Variants in DESI2 observed in about 807,000 individuals in gnomAD.
DESI2 encodes desumoylating isopeptidase 2, also known as deubiquitinase DESI2.
In DESI2, 10 loss-of-function variants were observed where a neutral mutation model predicts 24.1. The ratio of observed to expected loss-of-function variants is 0.41; its 90% CI spans 0.26 to 0.70. The LOEUF is 0.70. Among genes scored for constraint, DESI2 ranks in the 30% least tolerant of loss-of-function variants. The pLI, the probability that DESI2 is intolerant of heterozygous loss-of-function variation, is 0.29. For synonymous variants in DESI2, 71 were observed against 87.7 expected (o/e 0.81, Z 1.06); for missense variants, 122 against 234.9 (o/e 0.52, Z 3.14).
At chr1:244,698,424 G>T (rs563149428) in intron 4 of DESI2, among the ~76,000 whole-genome samples, 1 of 152,336 alleles carries the variant, frequency 6.6e-6, no homozygotes, top group African/African-American at 2.4e-5. Flanking sequence ...CCTAGAGGCT[G>T]GTGATTTTCT....
At chr1:244,665,797 T>G (rs1011297618) in intron 1 of DESI2, among the ~76,000 whole-genome samples, 1 of 152,226 alleles carries the variant, frequency 6.6e-6, no homozygotes, top group Non-Finnish European at 1.5e-5. Context: ...GCAGACCTAC[T>G]CTGAAGATTT....
chr1:244,673,639 T>C (rs537072986), intron 1 of DESI2, among the ~76,000 whole-genome samples: 30 of 152,192 alleles, frequency 2.0e-4, no homozygotes, highest in Non-Finnish European at 4.1e-4. Flanking sequence ...CTAGAAAATG[T>C]TTTATGGTAG....
At chr1:244,658,584 AG>A (rs1675731428) in intron 1 of DESI2, among the ~76,000 whole-genome samples, 1 of 152,250 alleles carries the variant, frequency 6.6e-6, no homozygotes, top group Non-Finnish European at 1.5e-5. Flanking sequence ...TGTCTAGAAC[AG>A]GGCCTGTCAC....
chr1:244,657,956 T>G (rs1407690989), intron 1 of DESI2, among the ~76,000 whole-genome samples: 1 of 152,154 alleles, frequency 6.6e-6, no homozygotes, highest in East Asian at 1.9e-4. Context: ...TTTCTAACCT[T>G]TATGGTGAGT....
Position 244,692,036 on chromosome 1 carries a change from T to G in DESI2, c.351+16T>G, listed in dbSNP as rs372924400. ...TTTATCAGAGGTAAGCTAAATTTTA[T>G]CCTAAAAGTTCTTCAAATAAATATT... On this transcript the variant is annotated intron_variant, in intron 4 of 4. Transcript: ENST00000302550. 6.4e-7 allele frequency: 1 copy of G among 1,572,040 alleles called. No homozygotes were observed. The highest frequency in any genetic ancestry group is 8.6e-7 in the Non-Finnish European group (1 of 1,162,818).
chr1:244,691,758 TTTG>T, intron 3 of DESI2, 118 bp from the exon 4 acceptor site: 1 of 777,186 alleles, frequency 1.3e-6, no homozygotes. Context: ...TTAACCCTGA[TTTG>T]TTATGTCGAT....
chr1:244,654,504 A>G (rs1454795489), intron 1 of DESI2, among the ~76,000 whole-genome samples: 3 of 152,196 alleles, frequency 2.0e-5, no homozygotes, highest in African/African-American at 2.4e-5. Context: ...GAATTGTGTC[A>G]GAAGGGTGTA....
rs1304574293 is a variant in DESI2 at position 244,705,615 on chromosome 1, T to C, written c.411T>C (p.Cys137=). The change falls in exon 5 of 5, where the codon TGT becomes TGC. Residue 137 remains cysteine (C), a synonymous_variant. Transcript: ENST00000302550. ...ATCGACTTGCCTACTTCAGCTCCTGTATACCCTTTCTACAGAGTTGCCTCC... is the reference window on the plus strand; with the variant it reads ...ATCGACTTGCCTACTTCAGCTCCTGCATACCCTTTCTACAGAGTTGCCTCC... ...WINRLAYFSS[C]IPFLQSCLPK... is the part of the protein sequence containing the mutation. The C allele has an allele frequency of 6.2e-7, 1 of 1,614,070 alleles. No individual in the cohort carries two copies. Among genetic ancestry groups the C allele is most frequent in the Admixed American group, 1.7e-5 (1 of 60,006 alleles).
chr1:244,656,423 TA>T (rs1470330777), intron 1 of DESI2: 7 of 152,254 alleles, frequency 4.6e-5, no homozygotes, highest in African/African-American at 1.7e-4. Context: ...GAAGGTTACT[TA>T]ATTATGCATA....
At chr1:244,653,648 C>T (rs1675541869) in intron 1 of DESI2, 1 of 502,978 alleles carries the variant, frequency 2.0e-6, no homozygotes, top group East Asian at 3.6e-5. Context: ...ACCCCTTGGC[C>T]GACGTGCAGT....
chr1:244,702,516 AAAATAAAT>A lies in DESI2; in HGVS notation c.352-3023_352-3016del, dbSNP rs373155154. On this transcript the variant is annotated intron_variant, in intron 4 of 4. Coordinates refer to ENST00000302550, the MANE Select transcript of DESI2 (RefSeq NM_016076.5). ...GTAACAGACCAAGACTCCATCTCAAAAAATAAATAAATAAATAAATAAATGGCTTGACC... is the reference window on the plus strand; with the variant it reads ...GTAACAGACCAAGACTCCATCTCAAAAAATAAATAAATAAATGGCTTGACC... Among the ~76,000 whole-genome samples, 226 of 152,192 alleles carry A rather than the reference AAAATAAAT, an allele frequency of 1.5e-3. 4 individuals are homozygous for A. Among genetic ancestry groups the A allele is most frequent in the Middle Eastern group, 6.8e-3 (2 of 294 alleles).
At chr1:244,704,683 G>C (rs1443255981) in intron 4 of DESI2, among the ~76,000 whole-genome samples, 1 of 152,090 alleles carries the variant, frequency 6.6e-6, no homozygotes, top group Admixed American at 6.5e-5. Flanking sequence ...GTGTGAGACG[G>C]AGTCTCACTC....
chr1:244,659,032 CTT>C (rs10553169), intron 1 of DESI2, among the ~76,000 whole-genome samples: 8,372 of 147,052 alleles, frequency 0.057, 270 homozygotes, highest in Middle Eastern at 0.089. Flanking sequence ...GGTCATCCAT[CTT>C]TTTTTTTTTT....
At chr1:244,657,739 TA>T (rs1311685850) in intron 1 of DESI2, among the ~76,000 whole-genome samples, 5 of 152,200 alleles carry the variant, frequency 3.3e-5, no homozygotes, top group Non-Finnish European at 5.9e-5. Context: ...CTCATAATTG[TA>T]AAGTAACTGC....
intron 1 of DESI2, among the ~76,000 whole-genome samples, chr1:244,665,079 A>G (rs931979012): frequency 1.3e-5 from 2 of 152,162 alleles, no homozygotes; most frequent in African/African-American, 4.8e-5. Flanking sequence ...CTCTTCCTGC[A>G]CCATTATTAG....
intron 4 of DESI2, among the ~76,000 whole-genome samples, chr1:244,693,686 C>A (rs940755110): frequency 4.6e-5 from 7 of 152,220 alleles, no homozygotes; most frequent in African/African-American, 1.7e-4. Flanking sequence ...CCGCCTCAGC[C>A]TCCCAAAGTG....
intron 3 of DESI2, among the ~76,000 whole-genome samples, chr1:244,690,047 G>A (rs558051126): frequency 6.6e-6 from 1 of 152,282 alleles, no homozygotes; most frequent in Non-Finnish European, 1.5e-5. Flanking sequence ...GGAGTCTTAC[G>A]AGTAATAAAA....
chr1:244,656,627 T>C (rs1460771675), intron 1 of DESI2: 1 of 152,220 alleles, frequency 6.6e-6, no homozygotes, highest in Non-Finnish European at 1.5e-5. Flanking sequence ...GACAAATCTC[T>C]GGTGTAGTCA....
chr1:244,681,316 G>A (rs1037943024), intron 1 of DESI2, among the ~76,000 whole-genome samples: 1 of 152,092 alleles, frequency 6.6e-6, no homozygotes, highest in African/African-American at 2.4e-5. Flanking sequence ...AGTACCACGG[G>A]CTTCTTCCAT....
Sources: gnomAD v4.1 joint callset for allele counts (sites outside exome capture counted in the v4.1 genomes callset) on GRCh38, gnomAD v4.1.1 for gene constraint, MANE v1.5 for transcripts, NCBI Gene and HGNC (gene_info 2026-07-23, HGNC 2026-07-21) for gene names.